The following EPHA5 variants were observed in gnomAD, a reference collection of about 807,000 sequenced individuals.
The protein encoded by EPHA5 is ephrin type-A receptor 5.
EPHA5 carries 60 observed loss-of-function variants against 105.0 expected under a neutral mutation model. That is an observed-to-expected ratio of 0.57 (90% CI 0.46 to 0.71). The LOEUF (loss-of-function observed/expected upper bound fraction) is 0.71, where lower values mean the gene tolerates loss of function less well. Ranked by LOEUF, EPHA5 falls within the 30% of genes least tolerant of loss-of-function variation. The pLI, the probability that EPHA5 is intolerant of heterozygous loss-of-function variation, is 0.00. For synonymous variants in EPHA5, 513 were observed against 449.1 expected, an observed-to-expected ratio of 1.14 and a Z score of -1.80; for missense variants, 1,218 against 1,274.7, an observed-to-expected ratio of 0.96 and a Z score of 0.68.
intron 13 of EPHA5, among the ~76,000 whole-genome samples, chr4:65,348,669 T>G (rs888173455): frequency 0.014 from 262 of 19,242 alleles, 4 homozygotes; most frequent in Non-Finnish European, 0.043. Flanking sequence ...GATATATATA[T>G]ATATATATAT....
At chr4:65,414,794 T>C (rs1410043178) in intron 6 of EPHA5, among the ~76,000 whole-genome samples, 2 of 152,154 alleles carry the variant, frequency 1.3e-5, no homozygotes, top group African/African-American at 2.4e-5. Flanking sequence ...CCCTCCAATA[T>C]AGTTAATCGG....
intron 5 of EPHA5, among the ~76,000 whole-genome samples, chr4:65,455,049 T>C (rs4279270): frequency 0.25 from 38,612 of 151,858 alleles, 5,311 homozygotes; most frequent in Middle Eastern, 0.35. Flanking sequence ...ATCGAGACCA[T>C]GGTGAAACCC....
At chr4:65,635,211 G>A (rs746899869) in intron 2 of EPHA5, among the ~76,000 whole-genome samples, 1 of 152,042 alleles carries the variant, frequency 6.6e-6, no homozygotes, top group Non-Finnish European at 1.5e-5. Context: ...ATAAACTCCT[G>A]TTTTGAAGTA....
chr4:65,329,021 G>C (rs13106741), intron 16 of EPHA5, among the ~76,000 whole-genome samples: 10,091 of 151,144 alleles, frequency 0.067, 421 homozygotes, highest in Admixed American at 0.13. Context: ...ATTGGATTTT[G>C]CTCATTTTCT....
chr4:65,330,674 A>G (rs1720525643), intron 16 of EPHA5: 1 of 768,110 alleles, frequency 1.3e-6, no homozygotes, highest in African/African-American at 1.9e-5. Flanking sequence ...TAAAATGACC[A>G]TTTTTACTGA....
At chr4:65,419,161 G>A (rs1723695907) in intron 6 of EPHA5, among the ~76,000 whole-genome samples, 2 of 151,882 alleles carry the variant, frequency 1.3e-5, no homozygotes, top group African/African-American at 4.8e-5. Context: ...TGGAATTACA[G>A]GCATGAGCCA....
chr4:65,602,911 A>G (rs879794315), intron 2 of EPHA5, among the ~76,000 whole-genome samples: 2 of 152,176 alleles, frequency 1.3e-5, no homozygotes, highest in Non-Finnish European at 2.9e-5. Flanking sequence ...CCATCTATTC[A>G]GGACTCTCAC....
intron 3 of EPHA5, among the ~76,000 whole-genome samples, chr4:65,578,191 C>T (rs1360600314): frequency 6.6e-6 from 1 of 152,128 alleles, no homozygotes; most frequent in African/African-American, 2.4e-5. Context: ...TCTCATCTAA[C>T]ACCCTCCCAA....
chr4:65,501,384 G>T (rs1225866243), intron 3 of EPHA5, among the ~76,000 whole-genome samples: 1 of 151,382 alleles, frequency 6.6e-6, no homozygotes, highest in African/African-American at 2.4e-5. Context: ...AAGTCTCCTG[G>T]ATCTGATAAA....
At chr4:65,620,903 G>C (rs1048286073) in intron 2 of EPHA5, among the ~76,000 whole-genome samples, 1 of 152,172 alleles carries the variant, frequency 6.6e-6, no homozygotes, top group Non-Finnish European at 1.5e-5. Context: ...ACTGCAAGTG[G>C]TATGGCCTTT....
At chr4:65,353,994 A>G (rs184651511) in intron 11 of EPHA5, among the ~76,000 whole-genome samples, 40 of 151,902 alleles carry the variant, frequency 2.6e-4, no homozygotes, top group Admixed American at 2.6e-3. Context: ...CAGACTCTAG[A>G]GCCATACTTC....
rs1032392490 is a variant in EPHA5 at position 65,496,265 on chromosome 4, C to G, written c.911-722G>C. On this transcript the variant is annotated intron_variant, in intron 3 of 16. Coordinates refer to ENST00000613740, the MANE Select transcript of EPHA5 (RefSeq NM_001281766.3). ...TTATTATACTTTAAGTTTTAGGGTA[C>G]ATGTGCACAATGTGCAGGTTAGTTA... Among the ~76,000 whole-genome samples the G allele has an allele frequency of 2.6e-5, 4 of 151,772 alleles. No individual in the cohort carries two copies. The East Asian group carries it at 7.8e-4, about 30-fold the overall frequency.
intron 15 of EPHA5, among the ~76,000 whole-genome samples, chr4:65,333,276 AGGTTCTCTCTACTTTCTC>A (rs1231757448): frequency 6.6e-6 from 1 of 151,702 alleles, no homozygotes; most frequent in Non-Finnish European, 1.5e-5. Context: ...CTCTCTACTC[AGGTTCTCTCTACTTTCTC>A]ACATTCCATT....
chr4:65,626,100 CA>C (rs11304193), intron 2 of EPHA5, among the ~76,000 whole-genome samples: 70,574 of 131,224 alleles, frequency 0.54, 17,897 homozygotes, highest in Middle Eastern at 0.65. Flanking sequence ...CACTCCGTCT[CA>C]AAAAAAAAAA....
chr4:65,575,808 C>A (rs1369001980), intron 3 of EPHA5, among the ~76,000 whole-genome samples: 1 of 151,208 alleles, frequency 6.6e-6, no homozygotes, highest in African/African-American at 2.4e-5. Context: ...GAAATCCTGT[C>A]TCTACTAAAA....
intron 3 of EPHA5, among the ~76,000 whole-genome samples, chr4:65,554,544 A>G (rs577582316): frequency 6.6e-6 from 1 of 151,538 alleles, no homozygotes; most frequent in Non-Finnish European, 1.5e-5. Flanking sequence ...AAACAAAAAT[A>G]TAAATAATTA....
At chr4:65,631,448 CA>C in intron 2 of EPHA5, among the ~76,000 whole-genome samples, 1 of 152,078 alleles carries the variant, frequency 6.6e-6, no homozygotes, top group Non-Finnish European at 1.5e-5. Context: ...ATAGTTCAAA[CA>C]TACCAAAGAG....
chr4:65,654,746 T>C (rs11940996), intron 1 of EPHA5, among the ~76,000 whole-genome samples: 35 of 147,260 alleles, frequency 2.4e-4, no homozygotes, highest in African/African-American at 8.6e-4. Flanking sequence ...TAAATTATAG[T>C]TATCTATCTA....
chr4:65,566,947 A>G (rs1739602070), intron 3 of EPHA5, among the ~76,000 whole-genome samples: 1 of 151,638 alleles, frequency 6.6e-6, no homozygotes, highest in Non-Finnish European at 1.5e-5. Flanking sequence ...ATATTTATGC[A>G]TGGTCAACCT....
Sources: allele counts gnomAD v4.1 joint callset (sites outside exome capture counted in the v4.1 genomes callset), GRCh38; gene constraint gnomAD v4.1.1; transcripts MANE v1.5; gene names NCBI Gene and HGNC (gene_info 2026-07-23, HGNC 2026-07-21).